MAML2: variants seen among roughly 807,000 people sequenced by gnomAD.
The protein encoded by MAML2 is mastermind like transcriptional coactivator 2.
In MAML2, 22 loss-of-function variants were observed where a neutral mutation model predicts 96.1. The observed-to-expected ratio is 0.23, with a 90% CI of 0.16 to 0.33. The LOEUF (loss-of-function observed/expected upper bound fraction) is 0.33. Ranked by LOEUF, MAML2 falls within the 10% of genes least tolerant of loss-of-function variation. The pLI, the probability that MAML2 is intolerant of heterozygous loss-of-function variation, is 1.00. For missense variants in MAML2, 1,367 were observed against 1,392.4 expected, an observed-to-expected ratio of 0.98 and a Z score of 0.29; for synonymous variants, 561 against 521.3, an observed-to-expected ratio of 1.08 and a Z score of -1.04.
At chr11:96,095,831 A>C (rs1859816804) in intron 1 of MAML2, among the ~76,000 whole-genome samples, 1 of 152,222 alleles carries the variant, frequency 6.6e-6, no homozygotes, top group Non-Finnish European at 1.5e-5. Flanking sequence ...AACAATTTGC[A>C]GCAAGGGGCT....
chr11:96,229,143 T>G (rs112843674), intron 1 of MAML2, among the ~76,000 whole-genome samples: 1 of 151,996 alleles, frequency 6.6e-6, no homozygotes, highest in Non-Finnish European at 1.5e-5. Context: ...CTTAAGAATG[T>G]CTGAACAAAA....
chr11:96,092,522 G>A lies in MAML2; in HGVS notation c.1509C>T (p.Gly503=). ...TAGCCATTACTTTCGACTGGCCGCTGCCGCCAGCTACCCCAGGCATGGGGG... is the reference window on the plus strand; with the variant it reads ...TAGCCATTACTTTCGACTGGCCGCTACCGCCAGCTACCCCAGGCATGGGGG... ...QSSPMPGVAG[G]SGQSKVMANY... The change falls in exon 2 of 5, where the codon GGC becomes GGT. Residue 503 remains glycine (G), a synonymous_variant. Transcript: ENST00000524717. This position sits in a 1 kb window ranked among gnomAD's most constrained non-coding sequence, Gnocchi z 4.1. 6 of 1,595,554 alleles carry A rather than the reference G, an allele frequency of 3.8e-6. No homozygotes were observed. The highest frequency in any genetic ancestry group is 5.1e-6 in the Non-Finnish European group (6 of 1,168,604).
intron 1 of MAML2, among the ~76,000 whole-genome samples, chr11:96,287,285 ATATAT>A (rs1338443035): frequency 6.6e-6 from 1 of 152,232 alleles, no homozygotes; most frequent in Non-Finnish European, 1.5e-5. Context: ...ACAGTCAGAA[ATATAT>A]ATGTCCCAAA....
chr11:96,322,859 GAGTT>G (rs1280185266), intron 1 of MAML2, among the ~76,000 whole-genome samples: 1 of 152,234 alleles, frequency 6.6e-6, no homozygotes, highest in Non-Finnish European at 1.5e-5. Context: ...GGATGTCCTA[GAGTT>G]AGCTGTTGTG....
intron 1 of MAML2, among the ~76,000 whole-genome samples, chr11:96,117,833 C>T (rs1475788861): frequency 6.6e-6 from 1 of 152,056 alleles, no homozygotes; most frequent in Non-Finnish European, 1.5e-5. Flanking sequence ...TGGAAAAGAA[C>T]TAAAAAATAA....
intron 1 of MAML2, among the ~76,000 whole-genome samples, chr11:96,129,561 A>AG (rs1257856350): frequency 1.3e-5 from 2 of 149,042 alleles, no homozygotes; most frequent in Non-Finnish European, 3.0e-5. Flanking sequence ...AAATCCAAAT[A>AG]GGGGGAGGGG....
intron 1 of MAML2, among the ~76,000 whole-genome samples, chr11:96,335,352 C>T (rs189812026): frequency 6.6e-6 from 1 of 152,178 alleles, no homozygotes; most frequent in African/African-American, 2.4e-5. Flanking sequence ...CTGATTTACA[C>T]ATCAAGAGAG....
At chr11:96,284,135 C>T (rs1437771434) in intron 1 of MAML2, among the ~76,000 whole-genome samples, 2 of 152,182 alleles carry the variant, frequency 1.3e-5, no homozygotes, top group African/African-American at 2.4e-5. Context: ...GAAGGAAAGT[C>T]GTTTCTCCAC....
intron 1 of MAML2, among the ~76,000 whole-genome samples, chr11:96,261,572 T>G (rs1862750644): frequency 6.6e-6 from 1 of 152,212 alleles, no homozygotes; most frequent in South Asian, 2.1e-4. Flanking sequence ...GAAGGTATCG[T>G]CTAATGGGGT....
intron 2 of MAML2, among the ~76,000 whole-genome samples, chr11:96,055,773 G>A (rs527940894): frequency 7.2e-5 from 11 of 152,278 alleles, no homozygotes; most frequent in African/African-American, 2.4e-4. Flanking sequence ...CTTAGGCTGT[G>A]TTATGTGAAA....
chr11:96,207,565 T>A (rs936356426), intron 1 of MAML2, among the ~76,000 whole-genome samples: 6 of 152,250 alleles, frequency 3.9e-5, no homozygotes, highest in Non-Finnish European at 7.3e-5. Flanking sequence ...ACCCAGGCCC[T>A]CTGCTGCTCT....
intron 2 of MAML2, among the ~76,000 whole-genome samples, chr11:96,059,444 G>A (rs1859119903): frequency 6.6e-6 from 1 of 152,158 alleles, no homozygotes; most frequent in Admixed American, 6.5e-5. Flanking sequence ...CTTGTTCTCT[G>A]TGCATGGTTT....
chr11:96,078,371 A>G (rs1250057816), intron 2 of MAML2, among the ~76,000 whole-genome samples: 6 of 152,258 alleles, frequency 3.9e-5, no homozygotes, highest in African/African-American at 9.6e-5. Context: ...TCAATGTCAT[A>G]TAAGTCAAAC....
chr11:96,255,442 T>C (rs1862650210), intron 1 of MAML2, among the ~76,000 whole-genome samples: 1 of 152,232 alleles, frequency 6.6e-6, no homozygotes, highest in Admixed American at 6.5e-5. Context: ...AAAGTGGTTA[T>C]GTCAAACACT....
In MAML2 at chr11:96,330,113, G is replaced by A. The variant is rs79264997; in HGVS notation, c.513+11270C>T. Among the ~76,000 whole-genome samples, 414 of 152,294 alleles carry A rather than the reference G, an allele frequency of 2.7e-3. 1 individual carries two copies. Among genetic ancestry groups the A allele is most frequent in the African/African-American group, 9.2e-3 (384 of 41,548 alleles). ...GTATAGCAAGAATGCTTGAAATTTG[G>A]TAGTTAGAAGGAATGACAGCATCAC... On this transcript the variant is annotated intron_variant, in intron 1 of 4. Coordinates refer to ENST00000524717, the MANE Select transcript of MAML2 (RefSeq NM_032427.4).
intron 1 of MAML2, among the ~76,000 whole-genome samples, chr11:96,257,701 G>GAA (rs35888044): frequency 5.3e-5 from 8 of 151,178 alleles, no homozygotes; most frequent in East Asian, 1.9e-4. Context: ...AACTTGGAAT[G>GAA]AAAAAAAAAC....
rs1263833075 is a variant in MAML2 at position 96,325,065 on chromosome 11, C to G, written c.513+16318G>C. Among the ~76,000 whole-genome samples the G allele has an allele frequency of 1.3e-5, 2 of 152,112 alleles. 1 individual carries two copies. Among genetic ancestry groups the G allele is most frequent in the South Asian group, 4.1e-4 (2 of 4,832 alleles). ...TCTCTTATTCTAGACTTGGTGTGCC[C>G]TGGGTGTCTGACATCCTCATTCCAT... On this transcript the variant is annotated intron_variant, in intron 1 of 4. Coordinates refer to ENST00000524717, the MANE Select transcript of MAML2 (RefSeq NM_032427.4).
chr11:95,983,109 G>A (rs1354351659), intron 4 of MAML2, among the ~76,000 whole-genome samples: 2 of 152,076 alleles, frequency 1.3e-5, no homozygotes, highest in Non-Finnish European at 2.9e-5. Context: ...CCAGAAGAAG[G>A]CATTGTTATC....
intron 1 of MAML2, among the ~76,000 whole-genome samples, chr11:96,257,368 T>G (rs1862682630): frequency 6.6e-6 from 1 of 152,246 alleles, no homozygotes; most frequent in East Asian, 1.9e-4. Flanking sequence ...GTGGGAATCT[T>G]GTGACTCCAA....
Sources: allele counts gnomAD v4.1 joint callset (sites outside exome capture counted in the v4.1 genomes callset), GRCh38; gene constraint gnomAD v4.1.1; non-coding constraint Gnocchi (gnomAD v3.1); transcripts MANE v1.5; gene names NCBI Gene and HGNC (gene_info 2026-07-23, HGNC 2026-07-21).